The following DLG5 variants were observed in gnomAD, a reference collection of about 807,000 sequenced individuals.
DLG5 encodes discs large MAGUK scaffold protein 5.
DLG5 carries 48 observed loss-of-function variants against 189.8 expected under a neutral mutation model. That is an observed-to-expected ratio of 0.25 (90% CI 0.20 to 0.32). The LOEUF is 0.32. Ranked by LOEUF, DLG5 falls within the 10% of genes least tolerant of loss-of-function variation. DLG5 has a pLI of 1.00. For missense variants in DLG5, 2,160 were observed against 2,544.7 expected (o/e 0.85, Z 3.25); for synonymous variants, 1,016 against 1,054.1 (o/e 0.96, Z 0.70).
chr10:77,861,146 T>G (rs115409080), intron 2 of DLG5, among the ~76,000 whole-genome samples: 3 of 152,092 alleles, frequency 2.0e-5, no homozygotes, highest in African/African-American at 7.2e-5. Context: ...TTTAGAAAAC[T>G]AGACTCTACA....
intron 1 of DLG5, among the ~76,000 whole-genome samples, chr10:77,893,723 C>T (rs1174383984): frequency 6.6e-6 from 1 of 152,224 alleles, no homozygotes; most frequent in Non-Finnish European, 1.5e-5. Context: ...CAAAAAGTAA[C>T]CAAAACATAG....
chr10:77,853,465 A>G lies in DLG5; in HGVS notation c.753T>C (p.Asn251=). 1.2e-6 allele frequency: 2 copies of G among 1,611,408 alleles called. No homozygotes were observed. Among genetic ancestry groups the G allele is most frequent in the Non-Finnish European group, 1.7e-6 (2 of 1,179,030 alleles). The change falls in exon 5 of 32, where the codon AAT becomes AAC. Residue 251 remains asparagine, a synonymous_variant. Transcript: ENST00000372391. Reference sequence around the variant, plus strand: ...GGTTTCGCTCCCGCAGCAGCTGCCCATTCTCCCGCCTCAGCATGTCCACGT... The same window carrying G: ...GGTTTCGCTCCCGCAGCAGCTGCCCGTTCTCCCGCCTCAGCATGTCCACGT... ...KDDVDMLRRE[N]GQLLRERNLL...
chr10:77,821,214 G>A lies in DLG5; in HGVS notation c.3270C>T (p.Ala1090=), dbSNP rs1323000922. 6.2e-7 allele frequency: 1 copy of A among 1,614,168 alleles called. No individual in the cohort carries two copies. The highest frequency in any genetic ancestry group is 8.5e-7 in the Non-Finnish European group (1 of 1,180,048). Residue 1090 remains alanine, a synonymous_variant, in exon 15 of 32, where the codon GCC becomes GCT. Transcript: ENST00000372391. ...TGAGGTCCTCATCACAGGATTTCTTGGCCGGCAGGTGGGAGGAGTCCCCAT... is the reference window on the plus strand; with the variant it reads ...TGAGGTCCTCATCACAGGATTTCTTAGCCGGCAGGTGGGAGGAGTCCCCAT... ...EGDGDSSHLP[A]KKSCDEDLTS... is the part of the protein sequence containing the mutation.
At chr10:77,927,849 ACT>A (rs2131893435), upstream of DLG5, 1 of 152,234 alleles carries the variant, frequency 6.6e-6, no homozygotes, top group South Asian at 2.1e-4. Context: ...CAAAGCTGGA[ACT>A]CTGACTGCGC....
intron 2 of DLG5, among the ~76,000 whole-genome samples, chr10:77,863,048 T>C (rs1030222225): frequency 1.4e-4 from 21 of 152,186 alleles, no homozygotes; most frequent in African/African-American, 5.1e-4. Flanking sequence ...AAAAAATACA[T>C]TTTACTGTAT....
chr10:77,883,694 T>C (rs1845352147), intron 1 of DLG5, among the ~76,000 whole-genome samples: 1 of 136,158 alleles, frequency 7.3e-6, no homozygotes, highest in Non-Finnish European at 1.5e-5. Flanking sequence ...CATTGTTCTT[T>C]TTTTTTTTTT....
chr10:77,857,374 G>C (rs1844285759), intron 2 of DLG5, among the ~76,000 whole-genome samples: 1 of 152,234 alleles, frequency 6.6e-6, no homozygotes, highest in Non-Finnish European at 1.5e-5. Flanking sequence ...GGGCAGCTGG[G>C]GCCCAAGGGC....
intron 1 of DLG5, among the ~76,000 whole-genome samples, chr10:77,911,104 T>A (rs891919889): frequency 1.3e-5 from 2 of 150,990 alleles, no homozygotes; most frequent in Non-Finnish European, 2.9e-5. Context: ...CCACTATATA[T>A]TTTTTTTAAG....
intron 1 of DLG5, among the ~76,000 whole-genome samples, chr10:77,880,164 C>T (rs1422113291): frequency 6.6e-6 from 1 of 152,098 alleles, no homozygotes; most frequent in Non-Finnish European, 1.5e-5. Context: ...AGTAAAGAAA[C>T]TGAACACAGC....
chr10:77,817,225 C>T (rs546101608), intron 18 of DLG5, 129 bp from the exon 19 acceptor site: 6 of 821,748 alleles, frequency 7.3e-6, no homozygotes, highest in South Asian at 5.8e-5. Context: ...CCCAAGGGAG[C>T]CTTGATATGG....
At chr10:77,817,703 C>T in intron 18 of DLG5, 74 bp downstream of exon 18, 1 of 1,356,206 alleles carries the variant, frequency 7.4e-7, no homozygotes, top group East Asian at 2.5e-5. Flanking sequence ...ACCCGCAGAT[C>T]TGGACATTAG....
At chr10:77,904,017 G>A (rs1391367809) in intron 1 of DLG5, among the ~76,000 whole-genome samples, 1 of 152,126 alleles carries the variant, frequency 6.6e-6, no homozygotes, top group Admixed American at 6.5e-5. Context: ...TTAAAAGGCT[G>A]CTCTAAGTCA....
chr10:77,846,434 C>T (rs1462621619), intron 5 of DLG5, among the ~76,000 whole-genome samples: 1 of 152,142 alleles, frequency 6.6e-6, no homozygotes, highest in African/African-American at 2.4e-5. Flanking sequence ...CGCAGTGGCT[C>T]ACGCCTGTAA....
In DLG5 at chr10:77,891,573, G is replaced by GACACACACACACACACACAC. The variant is rs55688664; in HGVS notation, c.305-22396_305-22377dup. Among the ~76,000 whole-genome samples the GACACACACACACACACACAC allele has an allele frequency of 2.1e-4, 29 of 140,580 alleles. No individual in the cohort carries two copies. The South Asian group carries it at 2.4e-3, about 12-fold the overall frequency. The allele number at this position is 140,580 out of a possible 152,430, so 92.2% of individuals were successfully genotyped here. A position where few individuals can be genotyped will look rare whatever the true frequency, so the allele number is the denominator to read the frequency against. On this transcript the variant is annotated intron_variant, in intron 1 of 31. Transcript: ENST00000372391. ...GTGAGCTCACCTCTGTCCCCCAACA[G>GACACACACACACACACACAC]ACACACACACACACACACACACACA...
chr10:77,873,402 G>A (rs565837630), intron 1 of DLG5, among the ~76,000 whole-genome samples: 1 of 152,238 alleles, frequency 6.6e-6, no homozygotes, highest in East Asian at 1.9e-4. Context: ...GTGGAAGGAA[G>A]CCACTGGGAG....
At chr10:77,829,945 T>C (rs1292241871) in intron 11 of DLG5, among the ~76,000 whole-genome samples, 5 of 152,242 alleles carry the variant, frequency 3.3e-5, no homozygotes, top group African/African-American at 1.2e-4. Context: ...ATGTACATCC[T>C]GGGCTCTCAC....
intron 1 of DLG5, among the ~76,000 whole-genome samples, chr10:77,909,978 A>C (rs968481454): frequency 7.9e-5 from 12 of 152,126 alleles, no homozygotes; most frequent in Non-Finnish European, 1.6e-4. Context: ...AAGCAAGAAG[A>C]AGCCACGGCA....
At chr10:77,843,823 G>C in intron 5 of DLG5, 117 bp from the exon 6 acceptor site, 1 of 1,374,666 alleles carries the variant, frequency 7.3e-7, no homozygotes, top group Non-Finnish European at 1.0e-6. Flanking sequence ...TGGGGGGAGG[G>C]GGTTACCCTA....
At chr10:77,935,670 C>T in the DLG5 span, among the ~76,000 whole-genome samples, 1 of 152,208 alleles carries the variant, frequency 6.6e-6, no homozygotes, top group Non-Finnish European at 1.5e-5. Flanking sequence ...CGTGTGCACA[C>T]ATAAGTGTCC....
Sources: allele counts gnomAD v4.1 joint callset (sites outside exome capture counted in the v4.1 genomes callset), GRCh38; gene constraint gnomAD v4.1.1; transcripts MANE v1.5; gene names NCBI Gene and HGNC (gene_info 2026-07-23, HGNC 2026-07-21).